Variants in PAM observed in about 807,000 individuals in gnomAD.
The protein encoded by PAM is peptidylglycine alpha-amidating monooxygenase, also known as peptidyl-glycine alpha-amidating monooxygenase.
PAM carries 72 observed loss-of-function variants against 122.1 expected under a neutral mutation model. The observed-to-expected ratio is 0.59, with a 90% CI of 0.49 to 0.72. PAM has a LOEUF of 0.72. PAM is among the 30% of genes least tolerant of loss of function. The probability of loss-of-function intolerance (pLI) is 0.00; values close to 1 mark genes in which losing one functional copy is unlikely to be tolerated. For missense variants in PAM, 1,106 were observed against 1,183.7 expected (o/e 0.93, Z 0.96); for synonymous variants, 389 against 404.4 (o/e 0.96, Z 0.46).
chr5:102,926,252 G>C (rs1394612073), intron 6 of PAM, among the ~76,000 whole-genome samples: 1 of 152,120 alleles, frequency 6.6e-6, no homozygotes, highest in Non-Finnish European at 1.5e-5. Context: ...CCGCCACCGC[G>C]CCCGGCTAAT....
intron 1 of PAM, among the ~76,000 whole-genome samples, chr5:102,803,990 G>C (rs1490366074): frequency 6.6e-6 from 1 of 152,136 alleles, no homozygotes; most frequent in African/African-American, 2.4e-5. Flanking sequence ...GAACTGATAG[G>C]GTTTGGAATG....
intron 16 of PAM, among the ~76,000 whole-genome samples, chr5:102,998,518 C>T (rs1454426059): frequency 6.6e-6 from 1 of 152,108 alleles, no homozygotes; most frequent in Non-Finnish European, 1.5e-5. Context: ...AATTATGAAT[C>T]AGTAACTTTT....
chr5:102,850,830 G>A lies in PAM; in HGVS notation c.-373-14993G>A, dbSNP rs1781186509. On this transcript the variant is annotated intron_variant, in intron 1 of 25. Coordinates refer to ENST00000438793, the MANE Select transcript of PAM (RefSeq NM_001177306.2). ...GCCCTGCAAAAAACCAGATATCTGG[G>A]AAATTCTGATATGAAGAATCTAGAA... Among the ~76,000 whole-genome samples the A allele has an allele frequency of 2.0e-5, 3 of 152,238 alleles. No individual in the cohort carries two copies. The East Asian group carries it at 5.8e-4, about 29-fold the overall frequency.
intron 1 of PAM, among the ~76,000 whole-genome samples, chr5:102,843,048 T>C (rs969514490): frequency 2.0e-5 from 3 of 152,136 alleles, no homozygotes; most frequent in African/African-American, 7.2e-5. Flanking sequence ...GAAAAGAAAG[T>C]TCTACAGCTT....
At chr5:102,992,114 C>G (rs1039840058) in intron 16 of PAM, among the ~76,000 whole-genome samples, 6 of 152,096 alleles carry the variant, frequency 3.9e-5, no homozygotes, top group Non-Finnish European at 7.4e-5. Flanking sequence ...CAGGAACCAC[C>G]TAAGAGCATT....
At chr5:102,771,744 A>G (rs1755833537) in intron 1 of PAM, among the ~76,000 whole-genome samples, 2 of 152,130 alleles carry the variant, frequency 1.3e-5, no homozygotes, top group Admixed American at 1.3e-4. Flanking sequence ...TATGCCCCAG[A>G]TTTTATAGAG....
Position 103,029,085 on chromosome 5 carries a change from A to G in PAM, c.*20A>G. On this transcript the variant is annotated 3_prime_UTR_variant, in exon 26 of 26. Transcript: ENST00000438793. Reference sequence around the variant, plus strand: ...TCCTGAAAACCAAGCTTTGATTTAGATTGAGTAAGATTTACCCAGAATGTC... The same window carrying G: ...TCCTGAAAACCAAGCTTTGATTTAGGTTGAGTAAGATTTACCCAGAATGTC... The G allele has an allele frequency of 1.3e-5, 21 of 1,584,098 alleles. No individual in the cohort carries two copies. The highest frequency in any genetic ancestry group is 1.7e-5 in the Non-Finnish European group (20 of 1,165,600).
At chr5:102,805,695 A>G (rs1375113642) in intron 1 of PAM, among the ~76,000 whole-genome samples, 2 of 152,320 alleles carry the variant, frequency 1.3e-5, no homozygotes, top group East Asian at 1.9e-4. Context: ...GAAATAGTTT[A>G]TGATCTCTAA....
intron 16 of PAM, among the ~76,000 whole-genome samples, chr5:103,001,568 G>A (rs1167060550): frequency 1.3e-5 from 2 of 152,072 alleles, no homozygotes; most frequent in East Asian, 1.9e-4. Flanking sequence ...AATATTTTGT[G>A]TTCAATTGAA....
At chr5:102,825,096 G>A (rs2150360222) in intron 1 of PAM, among the ~76,000 whole-genome samples, 1 of 152,292 alleles carries the variant, frequency 6.6e-6, no homozygotes, top group South Asian at 2.1e-4. Context: ...GTAGGCTCCT[G>A]ACCTGTAACA....
intron 21 of PAM, among the ~76,000 whole-genome samples, chr5:103,014,085 C>T (rs1211010403): frequency 6.6e-6 from 1 of 152,170 alleles, no homozygotes; most frequent in African/African-American, 2.4e-5. Flanking sequence ...TTCCTCATAT[C>T]TGTTGGTAAA....
At chr5:102,906,939 A>C (rs115309330) in intron 4 of PAM, among the ~76,000 whole-genome samples, 3,081 of 151,866 alleles carry the variant, frequency 0.02, 50 homozygotes, top group Middle Eastern at 0.061. Flanking sequence ...TTTATCTTGC[A>C]TAGCTTGGCT....
chr5:103,019,677 T>A, intron 22 of PAM, 113 bp from the exon 23 acceptor site: 1 of 717,964 alleles, frequency 1.4e-6, no homozygotes, highest in South Asian at 1.6e-5. Context: ...TAATAATGCA[T>A]TTGATGAATT....
intron 20 of PAM, among the ~76,000 whole-genome samples, chr5:103,009,215 G>A (rs1181095635): frequency 1.3e-5 from 2 of 152,036 alleles, no homozygotes; most frequent in Admixed American, 6.6e-5. Flanking sequence ...TTTAATTAAG[G>A]AAAATATGTC....
rs544084601 is a variant in PAM at position 102,931,199 on chromosome 5, G to T, written c.526+4531G>T. On this transcript the variant is annotated intron_variant, in intron 7 of 25. Coordinates refer to ENST00000438793, the MANE Select transcript of PAM (RefSeq NM_001177306.2). ...TTACACATAATATGAAAAGGACGTGGTTACTTTTCAAAGATGTTGTAGTTT... is the reference window on the plus strand; with the variant it reads ...TTACACATAATATGAAAAGGACGTGTTTACTTTTCAAAGATGTTGTAGTTT... Among the ~76,000 whole-genome samples, 3 of 152,294 alleles carry T rather than the reference G, an allele frequency of 2.0e-5. No individual in the cohort carries two copies. In the East Asian group the frequency reaches 5.8e-4, roughly 29 times the overall value.
intron 1 of PAM, among the ~76,000 whole-genome samples, chr5:102,854,057 C>T (rs904877584): frequency 6.6e-6 from 1 of 152,146 alleles, no homozygotes; most frequent in South Asian, 2.1e-4. Flanking sequence ...CGGTTCAGTC[C>T]CTGCCCCACT....
At chr5:102,872,550 T>C (rs753682984) in intron 3 of PAM, among the ~76,000 whole-genome samples, 6 of 152,178 alleles carry the variant, frequency 3.9e-5, no homozygotes, top group Non-Finnish European at 7.4e-5. Context: ...ACAATACATG[T>C]ATAATCTGTA....
At chr5:102,810,247 T>C (rs1767506915) in intron 1 of PAM, among the ~76,000 whole-genome samples, 1 of 152,212 alleles carries the variant, frequency 6.6e-6, no homozygotes, top group Non-Finnish European at 1.5e-5. Context: ...AAATACACTT[T>C]TGCTGACTTG....
chr5:102,960,590 T>C (rs1028866540), intron 13 of PAM, among the ~76,000 whole-genome samples: 2 of 151,996 alleles, frequency 1.3e-5, no homozygotes, highest in Non-Finnish European at 2.9e-5. Context: ...ATATAGTTCC[T>C]CTGCAAAATG....
Sources: gnomAD v4.1 joint callset for allele counts (sites outside exome capture counted in the v4.1 genomes callset) on GRCh38, gnomAD v4.1.1 for gene constraint, MANE v1.5 for transcripts, NCBI Gene and HGNC (gene_info 2026-07-23, HGNC 2026-07-21) for gene names.